The following ANKRD11 variants were observed in gnomAD, a reference collection of about 807,000 sequenced individuals.
ANKRD11 encodes the protein ankyrin repeat domain-containing protein 11.
A neutral mutation model predicts 195.7 loss-of-function variants in ANKRD11; 17 were observed. The observed-to-expected ratio is 0.09, with a 90% CI of 0.06 to 0.13. ANKRD11 has a LOEUF of 0.13. Ranked by LOEUF, ANKRD11 falls within the 10% of genes least tolerant of loss-of-function variation. The probability of loss-of-function intolerance (pLI) is 1.00; values close to 1 mark genes in which losing one functional copy is unlikely to be tolerated. For missense variants in ANKRD11, 3,735 were observed against 3,566.1 expected (o/e 1.05, Z -1.21); for synonymous variants, 1,953 against 1,528.1 (o/e 1.28, Z -6.49).
chr16:89,295,966 G>A (rs931039480), intron 4 of ANKRD11, among the ~76,000 whole-genome samples: 5 of 121,908 alleles, frequency 4.1e-5, no homozygotes, highest in Non-Finnish European at 8.3e-5. Flanking sequence ...TGCAGGGAGT[G>A]TCTTCTCTAT....
chr16:89,383,715 G>A (rs748787802), intron 2 of ANKRD11, among the ~76,000 whole-genome samples: 4 of 152,006 alleles, frequency 2.6e-5, no homozygotes, highest in African/African-American at 9.7e-5. Flanking sequence ...GACCAGCAAC[G>A]CAGCAGACGT....
intron 4 of ANKRD11, among the ~76,000 whole-genome samples, chr16:89,304,294 GGGCACACA>G (rs1266034843): frequency 4.0e-5 from 6 of 151,246 alleles, no homozygotes; most frequent in East Asian, 3.9e-4. Flanking sequence ...ATGCACACAT[GGGCACACA>G]GGCACACACG....
intron 2 of ANKRD11, among the ~76,000 whole-genome samples, chr16:89,325,752 GAAGGTGACAGAGATA>G (rs1419513723): frequency 2.0e-5 from 3 of 152,194 alleles, no homozygotes; most frequent in African/African-American, 7.2e-5. Context: ...CAGTCTTTCA[GAAGGTGACAGAGATA>G]AAGGCCACAC....
At chr16:89,288,775 G>T in intron 6 of ANKRD11, 105 bp from the exon 7 acceptor site, 1 of 1,536,168 alleles carries the variant, frequency 6.5e-7, no homozygotes, top group Non-Finnish European at 9.0e-7. Flanking sequence ...GACAAGCCAG[G>T]TGGGGAGCTG....
At chr16:89,377,910 T>C (rs1241944386) in intron 2 of ANKRD11, among the ~76,000 whole-genome samples, 4 of 151,332 alleles carry the variant, frequency 2.6e-5, no homozygotes, top group African/African-American at 4.9e-5. Flanking sequence ...TTCTACTCAA[T>C]GAAATGATGA....
intron 2 of ANKRD11, among the ~76,000 whole-genome samples, chr16:89,396,991 G>A (rs1226370089): frequency 6.6e-6 from 1 of 151,998 alleles, no homozygotes; most frequent in Non-Finnish European, 1.5e-5. Context: ...GACTTGACCA[G>A]ATCACTAATT....
intron 2 of ANKRD11, among the ~76,000 whole-genome samples, chr16:89,402,338 T>C (rs1382996796): frequency 1.3e-5 from 2 of 152,060 alleles, no homozygotes; most frequent in Admixed American, 1.3e-4. Context: ...CTCCTAACCT[T>C]AGCCAGCCAC....
At chr16:89,418,807 C>T (rs1474532806) in intron 1 of ANKRD11, among the ~76,000 whole-genome samples, 1 of 151,766 alleles carries the variant, frequency 6.6e-6, no homozygotes, top group East Asian at 1.9e-4. Context: ...TCTTGTCCCC[C>T]AGGCTGGAGT....
intron 2 of ANKRD11, among the ~76,000 whole-genome samples, chr16:89,364,035 T>A (rs558567455): frequency 3.7e-4 from 56 of 151,900 alleles, no homozygotes; most frequent in Non-Finnish European, 6.2e-4. Context: ...ACTGCATTCC[T>A]GCCCAGCCGA....
At chr16:89,377,872 A>T (rs1260039121) in intron 2 of ANKRD11, among the ~76,000 whole-genome samples, 2 of 145,240 alleles carry the variant, frequency 1.4e-5, no homozygotes, top group Non-Finnish European at 3.0e-5. Flanking sequence ...CCCCCGCCCC[A>T]TGAGAACAGC....
intron 1 of ANKRD11, among the ~76,000 whole-genome samples, chr16:89,462,951 G>A (rs1268695913): frequency 6.6e-6 from 1 of 151,210 alleles, no homozygotes; most frequent in Non-Finnish European, 1.5e-5. Flanking sequence ...GTGGAGGTGG[G>A]GGGGGTCAGC....
chr16:89,275,698 G>A (rs1408171747), intron 9 of ANKRD11, among the ~76,000 whole-genome samples: 2 of 152,202 alleles, frequency 1.3e-5, no homozygotes, highest in African/African-American at 4.8e-5. Flanking sequence ...GCACGCACTG[G>A]CCCAGGTCCC....
rs139593255 is a variant in ANKRD11, at chr16:89,350,917, A to G, written c.-59-33839T>C. ...GTGTTACGATTTCTTTCCACGATTCAGCAGGGTGACTCAGCAACAGGCTCT... is the reference window on the plus strand; with the variant it reads ...GTGTTACGATTTCTTTCCACGATTCGGCAGGGTGACTCAGCAACAGGCTCT... On this transcript the variant is annotated intron_variant, in intron 2 of 12. Coordinates refer to ENST00000301030, the MANE Select transcript of ANKRD11 (RefSeq NM_013275.6). Among the ~76,000 whole-genome samples, 60 of 152,296 alleles carry G rather than the reference A, an allele frequency of 3.9e-4. 1 individual carries two copies. In the East Asian group the frequency reaches 0.011, roughly 28 times the overall value.
At chr16:89,459,569 G>C (rs1217182613) in intron 1 of ANKRD11, 1 of 152,136 alleles carries the variant, frequency 6.6e-6, no homozygotes, top group East Asian at 1.9e-4. Context: ...TGTGAATTCA[G>C]TTCCTGCATA....
chr16:89,403,181 A>G (rs969707585), intron 2 of ANKRD11, among the ~76,000 whole-genome samples: 15 of 151,914 alleles, frequency 9.9e-5, no homozygotes, highest in Non-Finnish European at 1.8e-4. Flanking sequence ...TGGCAGGTGG[A>G]CCCCGCACTC....
chr16:89,359,446 C>T lies in ANKRD11; in HGVS notation c.-59-42368G>A, dbSNP rs373984941. Among the ~76,000 whole-genome samples the T allele has an allele frequency of 3.3e-5, 5 of 152,218 alleles. No individual in the cohort carries two copies. In the South Asian group the frequency reaches 6.2e-4, roughly 19 times the overall value. On this transcript the variant is annotated intron_variant, in intron 2 of 12. Transcript: ENST00000301030. ...CCTTCCAGCCTGCGCCAAGGAGCAG[C>T]GCACACGTCTGCTGCAGCCCCTCGG...
At chr16:89,359,779 T>C (rs2039651073) in intron 2 of ANKRD11, among the ~76,000 whole-genome samples, 1 of 152,210 alleles carries the variant, frequency 6.6e-6, no homozygotes. Context: ...TAGTCTACAC[T>C]ACATTCTATG....
chr16:89,315,250 C>T (rs2036879744), intron 3 of ANKRD11, among the ~76,000 whole-genome samples: 1 of 152,200 alleles, frequency 6.6e-6, no homozygotes, highest in Non-Finnish European at 1.5e-5. Flanking sequence ...AAGTATTCTG[C>T]ACCCTTGCAG....
rs564250157 is a variant in ANKRD11, at chr16:89,462,928, G to A, written c.-145+27317C>T. Among the ~76,000 whole-genome samples, 60 of 150,912 alleles carry A rather than the reference G, an allele frequency of 4.0e-4. No individual in the cohort carries two copies. In the South Asian group the frequency reaches 9.4e-3, roughly 24 times the overall value. On this transcript the variant is annotated intron_variant, in intron 1 of 12. Transcript: ENST00000301030. The stretch of plus-strand genomic sequence containing the variant: ...GGTCAGCCCCCCGCCCAGCTGCCCC[G>A]TCCGGGAGGGAGGTGGAGGTGGGGG...
Sources: gnomAD v4.1 joint callset for allele counts (sites outside exome capture counted in the v4.1 genomes callset) on GRCh38, gnomAD v4.1.1 for gene constraint, MANE v1.5 for transcripts, NCBI Gene and HGNC (gene_info 2026-07-23, HGNC 2026-07-21) for gene names.